ZNF527: variants seen among roughly 807,000 people sequenced by gnomAD.
ZNF527 encodes zinc finger protein 527.
A neutral mutation model predicts 13.5 loss-of-function variants in ZNF527; 5 were observed. That is an observed-to-expected ratio of 0.37 (90% CI 0.19 to 0.78). The LOEUF (loss-of-function observed/expected upper bound fraction) is 0.78. Ranked by LOEUF, ZNF527 falls within the 30% of genes least tolerant of loss-of-function variation. ZNF527 has a pLI of 0.48. For missense variants in ZNF527, 628 were observed against 726.4 expected (o/e 0.86, Z 1.56); for synonymous variants, 209 against 243.1 (o/e 0.86, Z 1.30).
At chr19:37,376,537 G>C (rs529046901) in intron 2 of ZNF527, among the ~76,000 whole-genome samples, 1 of 152,000 alleles carries the variant, frequency 6.6e-6, no homozygotes, top group Non-Finnish European at 1.5e-5. Context: ...AGCCAGGTGT[G>C]GTAGCGCATG....
rs759723013 is a variant in ZNF527, at chr19:37,389,529, G to A, written c.1480G>A (p.Gly494Arg). ...TAATCGACATCATAGAATTCACACT[G>A]GAGAGAGACCATTTGAATGCAGTAA... ...QLNRHHRIHT[G>R]ERPFECSKCG... Residue 494 changes from glycine to arginine, a missense_variant, in exon 5 of 5, where the codon GGA (glycine) becomes AGA (arginine). Physicochemically the swap from Gly to Arg is moderately radical, Grantham distance 125 (BLOSUM62 -2). This residue lies in a region of ZNF527 where 592 missense variants were observed against 678.0 expected (regional missense o/e 0.87). Coordinates refer to ENST00000436120, the MANE Select transcript of ZNF527 (RefSeq NM_032453.2). 8.1e-6 allele frequency: 13 copies of A among 1,614,156 alleles called. No individual in the cohort carries two copies. Among genetic ancestry groups the A allele is most frequent in the Non-Finnish European group, 9.3e-6 (11 of 1,180,032 alleles).
intron 4 of ZNF527, chr19:37,384,990 TTTTG>T (rs1453054260): frequency 4.3e-6 from 3 of 701,478 alleles, no homozygotes; most frequent in Non-Finnish European, 7.8e-6. Flanking sequence ...TGGTTAATTT[TTTTG>T]TTTATTTTTC....
intron 4 of ZNF527, chr19:37,384,866 A>G (rs1429162656): frequency 1.5e-6 from 1 of 678,166 alleles, no homozygotes; most frequent in Non-Finnish European, 2.7e-6. Context: ...TTTTTGAGAC[A>G]GGTTCTCACT....
intron 2 of ZNF527, among the ~76,000 whole-genome samples, chr19:37,378,367 T>C (rs1271544120): frequency 6.6e-6 from 1 of 152,150 alleles, no homozygotes; most frequent in Middle Eastern, 3.2e-3. Context: ...GAGAACATAC[T>C]GTACATACTG....
chr19:37,378,958 T>C (rs1183979254), intron 2 of ZNF527, among the ~76,000 whole-genome samples, 162 bp from the exon 3 acceptor site: 3 of 152,224 alleles, frequency 2.0e-5, no homozygotes, highest in African/African-American at 7.2e-5. Context: ...TTCTAATATT[T>C]CTCTTCTCTT....
At chr19:37,371,481 GTGTT>G (rs1317344336) in intron 1 of ZNF527, among the ~76,000 whole-genome samples, 28 of 152,312 alleles carry the variant, frequency 1.8e-4, no homozygotes, top group Non-Finnish European at 2.9e-4. Context: ...GTGAATATGT[GTGTT>G]TGTGTGTGAC....
At chr19:37,374,855 T>C (rs909049520) in intron 2 of ZNF527, among the ~76,000 whole-genome samples, 5 of 152,138 alleles carry the variant, frequency 3.3e-5, no homozygotes, top group African/African-American at 1.2e-4. Flanking sequence ...TGAAAACAGA[T>C]AGCAGGGGAG....
At chr19:37,374,103 A>G (rs2040580590) in intron 1 of ZNF527, 55 bp from the exon 2 acceptor site, 3 of 1,263,188 alleles carry the variant, frequency 2.4e-6, no homozygotes, top group Non-Finnish European at 3.5e-6. Flanking sequence ...TGGGTCTTGG[A>G]CCAAAAACAC....
In ZNF527 at chr19:37,389,581, T is replaced by C. The variant is rs1266812250; in HGVS notation, c.1532T>C (p.Leu511Ser). Residue 511 changes from leucine (L) to serine (S), a missense_variant, in exon 5 of 5, where the codon TTA becomes TCA. This residue lies in a region of ZNF527 where 592 missense variants were observed against 678.0 expected (regional missense o/e 0.87). Transcript: ENST00000436120. ...SKCGKAFSDA[L>S]VLIHHKRSHA... ...TGTGGGAAAGCCTTCAGTGATGCTT[T>C]AGTTCTAATTCACCATAAGAGAAGT... The C allele has an allele frequency of 6.2e-7, 1 of 1,614,146 alleles. No homozygotes were observed. The highest frequency in any genetic ancestry group is 8.5e-7 in the Non-Finnish European group (1 of 1,180,030).
At chr19:37,376,543 G>C (rs986579807) in intron 2 of ZNF527, among the ~76,000 whole-genome samples, 1 of 151,598 alleles carries the variant, frequency 6.6e-6, no homozygotes, top group Non-Finnish European at 1.5e-5. Flanking sequence ...GTGTGGTAGC[G>C]CATGCCTGTA....
chr19:37,384,820 C>T, intron 4 of ZNF527: 1 of 630,728 alleles, frequency 1.6e-6, no homozygotes, highest in Non-Finnish European at 2.9e-6. Context: ...TTTTTCTCTT[C>T]TGTGAATTAC....
At chr19:37,375,315 C>CTTTGT (rs1243704674) in intron 2 of ZNF527, among the ~76,000 whole-genome samples, 3 of 78,608 alleles carry the variant, frequency 3.8e-5, no homozygotes, top group African/African-American at 1.4e-4. Flanking sequence ...TCTTTCTTTT[C>CTTTGT]TTTCTTTCTT....
At chr19:37,384,513 A>AT (rs1168749641) in intron 4 of ZNF527, among the ~76,000 whole-genome samples, 1 of 151,988 alleles carries the variant, frequency 6.6e-6, no homozygotes, top group Non-Finnish European at 1.5e-5. Flanking sequence ...AAAAAAAAAA[A>AT]CAAAATGTGT....
At chr19:37,382,129 T>C (rs1314704848) in intron 4 of ZNF527, among the ~76,000 whole-genome samples, 1 of 152,148 alleles carries the variant, frequency 6.6e-6, no homozygotes, top group Non-Finnish European at 1.5e-5. Context: ...TTATTTTCCT[T>C]GCCCCAGCCT....
In ZNF527 at chr19:37,380,090, C is replaced by T. The variant is rs956439555; in HGVS notation, c.161-187C>T. On this transcript the variant is annotated intron_variant, in intron 3 of 4. Transcript: ENST00000436120. Reference sequence around the variant, plus strand: ...TGTAGCACTTTGAGAACCACTGTCACGGCAGAAGCTTCATCCTCCTCCTCA... The same window carrying T: ...TGTAGCACTTTGAGAACCACTGTCATGGCAGAAGCTTCATCCTCCTCCTCA... The T allele has an allele frequency of 1.2e-5, 14 of 1,185,126 alleles. No individual in the cohort carries two copies. In the East Asian group the frequency reaches 1.2e-4, roughly 10 times the overall value. 73.4% of individuals were successfully genotyped at this position (1,185,126 alleles called of 1,614,324 possible).
intron 3 of ZNF527, chr19:37,379,457 T>TTTA: frequency 1.4e-5 from 5 of 346,372 alleles, no homozygotes; most frequent in Non-Finnish European, 2.4e-5. Context: ...CATGAAGTAA[T>TTTA]TTCTTTTTTT....
chr19:37,378,580 A>T (rs746549503), intron 2 of ZNF527, among the ~76,000 whole-genome samples: 66 of 151,938 alleles, frequency 4.3e-4, no homozygotes, highest in Non-Finnish European at 8.4e-4. Flanking sequence ...TATAGCCTAA[A>T]CTCTATTTTT....
In ZNF527 at chr19:37,391,257, C is replaced by T. The variant is rs182048288; in HGVS notation, c.*1378C>T. 4 of 152,136 alleles carry T rather than the reference C, an allele frequency of 2.6e-5. No homozygotes were observed. Among genetic ancestry groups the T allele is most frequent in the Middle Eastern group, 3.4e-3 (1 of 294 alleles). The allele number at this position is 152,136 out of a possible 1,614,324, so 9.4% of individuals were successfully genotyped here. On this transcript the variant is annotated 3_prime_UTR_variant, in exon 5 of 5. Transcript: ENST00000436120. ...ATAACAATTAAATTGTAAATGAGGT[C>T]TTTTGTGGGTGGGCTCTAAATTTGG...
In ZNF527 at chr19:37,389,404, G is replaced by A; in HGVS notation, c.1355G>A (p.Gly452Asp). The A allele has an allele frequency of 6.2e-7, 1 of 1,613,790 alleles. No individual in the cohort carries two copies. The highest frequency in any genetic ancestry group is 8.5e-7 in the Non-Finnish European group (1 of 1,179,926). ...FKCSECGKTF[G>D]YRSHLNQHQR... is the part of the protein sequence containing the mutation. ...TGTAGTGAATGTGGGAAGACCTTTG[G>A]CTATCGCTCACACCTGAATCAACAT... Residue 452 changes from glycine to aspartate, a missense_variant, in exon 5 of 5, where the codon GGC (glycine) becomes GAC (aspartate). This residue lies in a region of ZNF527 where 592 missense variants were observed against 678.0 expected (regional missense o/e 0.87). Transcript: ENST00000436120.
Sources: gnomAD v4.1 joint callset for allele counts (sites outside exome capture counted in the v4.1 genomes callset) on GRCh38, gnomAD v4.1.1 for gene constraint, gnomAD v4.1.1 regional missense constraint, MANE v1.5 for transcripts, NCBI Gene and HGNC (gene_info 2026-07-23, HGNC 2026-07-21) for gene names.